Variants in CACUL1 observed in about 807,000 individuals in gnomAD.
CACUL1 encodes the protein CDK2 associated cullin domain 1.
CACUL1 carries 13 observed loss-of-function variants against 45.2 expected under a neutral mutation model. The observed-to-expected ratio is 0.29, with a 90% CI of 0.19 to 0.46. The LOEUF is 0.46. Ranked by LOEUF, CACUL1 falls within the 20% of genes least tolerant of loss-of-function variation. The pLI, the probability that CACUL1 is intolerant of heterozygous loss-of-function variation, is 1.00. For synonymous variants in CACUL1, 197 were observed against 174.2 expected (o/e 1.13, Z -1.03); for missense variants, 421 against 471.4 (o/e 0.89, Z 0.99).
At position 118,734,525 on chromosome 10, in the gene CACUL1, T is replaced by G. The variant is rs146589244; in HGVS notation, c.368-4115A>C. Among the ~76,000 whole-genome samples the G allele has an allele frequency of 1.8e-4, 27 of 152,316 alleles. No individual in the cohort carries two copies. The East Asian group carries it at 4.4e-3, about 25-fold the overall frequency. ...GGTTAGATTTTCAGCTTGAAAATAA[T>G]GAACTACTTTTTATGCTATTTAAAG... On this transcript the variant is annotated intron_variant, in intron 1 of 8. Coordinates refer to ENST00000369151, the MANE Select transcript of CACUL1 (RefSeq NM_153810.5).
intron 3 of CACUL1, among the ~76,000 whole-genome samples, chr10:118,727,272 A>C (rs1205970901): frequency 1.3e-5 from 2 of 152,098 alleles, no homozygotes; most frequent in South Asian, 2.1e-4. Flanking sequence ...ATGCACCTGT[A>C]GTGCCAGCAA....
At chr10:118,751,986 A>C in intron 1 of CACUL1, among the ~76,000 whole-genome samples, 1 of 152,136 alleles carries the variant, frequency 6.6e-6, no homozygotes, top group East Asian at 1.9e-4. Context: ...AGTTATCACT[A>C]GTTTAGTAAA....
chr10:118,724,051 C>T (rs1845627643), intron 3 of CACUL1, among the ~76,000 whole-genome samples: 1 of 152,172 alleles, frequency 6.6e-6, no homozygotes, highest in Non-Finnish European at 1.5e-5. Context: ...AGGCATGAGC[C>T]ACCACACCTG....
chr10:118,722,517 G>A lies in CACUL1; in HGVS notation c.597+6778C>T, dbSNP rs1241493072. On this transcript the variant is annotated intron_variant, in intron 3 of 8. Transcript: ENST00000369151. Reference sequence around the variant, plus strand: ...GCACTTTGTCCAGCATATGCACACTGTTGACACTATCCATCTGTCAGACAC... The same window carrying A: ...GCACTTTGTCCAGCATATGCACACTATTGACACTATCCATCTGTCAGACAC... 2.6e-5 allele frequency among the ~76,000 whole-genome samples: 4 copies of A among 152,182 alleles called. No individual in the cohort carries two copies. The East Asian group carries it at 5.8e-4, about 22-fold the overall frequency.
intron 1 of CACUL1, among the ~76,000 whole-genome samples, chr10:118,742,572 T>C (rs1845801836): frequency 1.3e-5 from 2 of 152,144 alleles, no homozygotes; most frequent in African/African-American, 4.8e-5. Context: ...CTCACTCCTG[T>C]AATCCCAGCA....
At chr10:118,692,923 C>A (rs888062823) in intron 6 of CACUL1, 1 of 152,222 alleles carries the variant, frequency 6.6e-6, no homozygotes, top group African/African-American at 2.4e-5. Flanking sequence ...AAACTCGTGG[C>A]AAAATGCTTC....
chr10:118,705,445 C>T (rs2119587900), intron 4 of CACUL1, among the ~76,000 whole-genome samples: 1 of 152,290 alleles, frequency 6.6e-6, no homozygotes, highest in Middle Eastern at 3.4e-3. Flanking sequence ...CCTGAATGCA[C>T]AGCATTTTAA....
intron 3 of CACUL1, among the ~76,000 whole-genome samples, chr10:118,722,472 A>C (rs1033946802): frequency 2.0e-5 from 3 of 152,160 alleles, no homozygotes; most frequent in Non-Finnish European, 4.4e-5. Context: ...TGCCTGAGAT[A>C]TCTGTCAGCA....
intron 3 of CACUL1, among the ~76,000 whole-genome samples, chr10:118,711,335 C>T (rs1845483400): frequency 6.6e-6 from 1 of 152,244 alleles, no homozygotes. Context: ...CCACTTCGGC[C>T]TCCCGAAGTG....
chr10:118,728,715 TTAA>T (rs1845673997), intron 3 of CACUL1, among the ~76,000 whole-genome samples: 1 of 152,192 alleles, frequency 6.6e-6, no homozygotes. Context: ...TTGCACCAAC[TTAA>T]TAATACCTGA....
chr10:118,721,263 A>G (rs1339904907), intron 3 of CACUL1, among the ~76,000 whole-genome samples: 1 of 152,238 alleles, frequency 6.6e-6, no homozygotes, highest in Non-Finnish European at 1.5e-5. Context: ...TTTAACTACC[A>G]AGGGACTAGC....
In CACUL1 at chr10:118,730,340, T is replaced by C. The variant is rs1267825221; in HGVS notation, c.438A>G (p.Gln146=). ...YWPKLDGAID[Q]LLTQSPGDYI... ...AGTCACCAGGACTCTGAGTTAAAAG[T>C]TGATCTATGGCACCATCCAATTTTG... Residue 146 remains glutamine (Q), a synonymous_variant, in exon 2 of 9, where the codon CAA becomes CAG. Transcript: ENST00000369151. 1.9e-6 allele frequency: 3 copies of C among 1,613,962 alleles called. No individual in the cohort carries two copies. The highest frequency in any genetic ancestry group is 1.7e-5 in the Admixed American group (1 of 60,026).
intron 3 of CACUL1, among the ~76,000 whole-genome samples, chr10:118,722,080 C>CTTTTTT (rs11358147): frequency 5.7e-5 from 8 of 140,514 alleles, no homozygotes; most frequent in Non-Finnish European, 7.7e-5. Context: ...CAGAAACAAA[C>CTTTTTT]TTTTTTTTTT....
chr10:118,725,160 T>C (rs1203258928), intron 3 of CACUL1, among the ~76,000 whole-genome samples: 1 of 152,148 alleles, frequency 6.6e-6, no homozygotes, highest in Admixed American at 6.5e-5. Flanking sequence ...TAAATAGAAC[T>C]TCGTTATTAC....
intron 1 of CACUL1, among the ~76,000 whole-genome samples, chr10:118,747,912 C>T (rs1311885850): frequency 1.3e-5 from 2 of 152,086 alleles, no homozygotes; most frequent in African/African-American, 4.8e-5. Flanking sequence ...TGGTGAAACC[C>T]CATCCCTACT....
chr10:118,750,969 GT>G (rs1845892566), intron 1 of CACUL1, among the ~76,000 whole-genome samples: 1 of 152,112 alleles, frequency 6.6e-6, no homozygotes, highest in African/African-American at 2.4e-5. Context: ...TTTATCCTTT[GT>G]TTTACAAACA....
chr10:118,692,854 C>T (rs924010641), intron 6 of CACUL1: 1 of 152,152 alleles, frequency 6.6e-6, no homozygotes, highest in Non-Finnish European at 1.5e-5. Context: ...CTAATTAAAG[C>T]TGGCAAATAA....
chr10:118,748,308 G>A (rs868355957), intron 1 of CACUL1, among the ~76,000 whole-genome samples: 1 of 152,244 alleles, frequency 6.6e-6, no homozygotes, highest in South Asian at 2.1e-4. Context: ...GCTAGACAAA[G>A]AGCAGGCTTG....
rs569729980 is a variant in CACUL1, at chr10:118,709,683, T to C, written c.598-2096A>G. ...TGCCACATGGAAGGATTCCTAAATA[T>C]TAAATTTTAAAACATGAAATTATAA... On this transcript the variant is annotated intron_variant, in intron 3 of 8. Transcript: ENST00000369151. Among the ~76,000 whole-genome samples the C allele has an allele frequency of 3.3e-4, 51 of 152,332 alleles. 1 individual carries two copies. The South Asian group carries it at 0.01, about 31-fold the overall frequency.
Sources: gnomAD v4.1 joint callset for allele counts (sites outside exome capture counted in the v4.1 genomes callset) on GRCh38, gnomAD v4.1.1 for gene constraint, MANE v1.5 for transcripts, NCBI Gene and HGNC (gene_info 2026-07-23, HGNC 2026-07-21) for gene names.